MYOM2: variants seen among roughly 807,000 people sequenced by gnomAD.
MYOM2 encodes myomesin 2.
Under a neutral mutation model 187.6 loss-of-function variants are expected in MYOM2, and 254 were observed. The observed-to-expected ratio is 1.35, with a 90% CI of 1.22 to 1.50. The LOEUF (loss-of-function observed/expected upper bound fraction) is 1.50. MYOM2 is among the 40% of genes most tolerant of loss of function. The pLI is 0.00. For synonymous variants in MYOM2, 981 were observed against 753.8 expected, an observed-to-expected ratio of 1.30 and a Z score of -4.94; for missense variants, 2,796 against 1,924.0, an observed-to-expected ratio of 1.45 and a Z score of -8.48.
chr8:2,126,880 G>A (rs796694903), intron 31 of MYOM2, among the ~76,000 whole-genome samples: 49 of 141,110 alleles, frequency 3.5e-4, no homozygotes, highest in African/African-American at 1.2e-3. Flanking sequence ...TGCTGAGGGA[G>A]CATTGAGAGA....
At chr8:2,136,246 G>A (rs114978699) in intron 32 of MYOM2, among the ~76,000 whole-genome samples, 19,793 of 152,158 alleles carry the variant, frequency 0.13, 2,183 homozygotes, top group African/African-American at 0.28. Context: ...GCAGCCCAGG[G>A]AAGGGTAGCG....
chr8:2,063,925 C>G (rs1238410412), intron 6 of MYOM2, among the ~76,000 whole-genome samples: 1 of 152,242 alleles, frequency 6.6e-6, no homozygotes, highest in East Asian at 1.9e-4. Context: ...AAATAAAACC[C>G]TTGCCTCTCC....
chr8:2,092,443 G>C lies in MYOM2; in HGVS notation c.1926G>C (p.Leu642=), dbSNP rs1445995825. ...WDRPKHEEDL[L]GYYVDCCVAG... is the part of the protein sequence containing the mutation. ...GACCTAAGCATGAGGAGGACCTGCT[G>C]GGCTACTACGTGGACTGCTGTGTGG... is the stretch of plus-strand genomic sequence containing the variant. Residue 642 remains leucine (L), a synonymous_variant, in exon 16 of 37, where the codon CTG becomes CTC. Coordinates refer to ENST00000262113, the MANE Select transcript of MYOM2 (RefSeq NM_003970.4). 6.2e-7 allele frequency: 1 copy of C among 1,614,156 alleles called. No homozygotes were observed. The highest frequency in any genetic ancestry group is 1.1e-5 in the South Asian group (1 of 91,088).
chr8:2,093,629 T>A (rs1474751916), intron 16 of MYOM2, among the ~76,000 whole-genome samples: 1 of 152,220 alleles, frequency 6.6e-6, no homozygotes, highest in Non-Finnish European at 1.5e-5. Context: ...GTGTAATTAC[T>A]GCTAATTAAG....
At chr8:2,141,730 T>A (rs1184780017) in intron 34 of MYOM2, among the ~76,000 whole-genome samples, 1 of 152,132 alleles carries the variant, frequency 6.6e-6, no homozygotes, top group African/African-American at 2.4e-5. Flanking sequence ...CATTTGTGGT[T>A]TATGGCCATG....
In MYOM2 at chr8:2,102,708, C is replaced by A; in HGVS notation, c.2661C>A (p.Val887=). Residue 887 remains valine (V), a synonymous_variant, in exon 21 of 37, where the codon GTC becomes GTA. Coordinates refer to ENST00000262113, the MANE Select transcript of MYOM2 (RefSeq NM_003970.4). ...AAGGTAAGACCTATGTCTTCAGGGT[C>A]CGGGCAGTCAATGCAAATGGCGTGG... is the stretch of plus-strand genomic sequence containing the variant. ...LQQGKTYVFR[V]RAVNANGVGK... The A allele has an allele frequency of 6.2e-7, 1 of 1,614,070 alleles. No individual in the cohort carries two copies. The highest frequency in any genetic ancestry group is 8.5e-7 in the Non-Finnish European group (1 of 1,179,904).
At chr8:2,135,739 C>A (rs1034238699) in intron 32 of MYOM2, among the ~76,000 whole-genome samples, 4 of 152,176 alleles carry the variant, frequency 2.6e-5, no homozygotes, top group African/African-American at 9.7e-5. Flanking sequence ...CCATTTATGT[C>A]TCTAAACAAC....
At position 2,145,313 on chromosome 8, in the gene MYOM2, G is replaced by A. The variant is rs542266795; in HGVS notation, c.*332G>A. The A allele has an allele frequency of 6.0e-5, 26 of 433,802 alleles. 1 individual carries two copies. The Admixed American group carries it at 7.9e-4, about 13-fold the overall frequency. The allele number at this position is 433,802 out of a possible 1,614,324, so 26.9% of individuals were successfully genotyped here. On this transcript the variant is annotated 3_prime_UTR_variant, in exon 37 of 37. Coordinates refer to ENST00000262113, the MANE Select transcript of MYOM2 (RefSeq NM_003970.4). ...CACCTGGACGTGTGCAGCATGTGGC[G>A]GTCTGTGTGAAGCCACCGTGCTTCT...
intron 25 of MYOM2, among the ~76,000 whole-genome samples, chr8:2,110,213 C>G (rs560406857): frequency 6.6e-6 from 1 of 152,308 alleles, no homozygotes; most frequent in South Asian, 2.1e-4. Flanking sequence ...GTTCCAGCTA[C>G]TTAGGAGGCT....
At position 2,145,204 on chromosome 8, in the gene MYOM2, G is replaced by A; in HGVS notation, c.*223G>A. 5.0e-6 allele frequency: 3 copies of A among 597,034 alleles called. No homozygotes were observed. Among genetic ancestry groups the A allele is most frequent in the Non-Finnish European group, 5.8e-6 (2 of 345,658 alleles). The allele number at this position is 597,034 out of a possible 1,614,324, so 37.0% of individuals were successfully genotyped here. On this transcript the variant is annotated 3_prime_UTR_variant, in exon 37 of 37. Transcript: ENST00000262113. ...AAGACTGAACAACGTGTATTTACAC[G>A]AGGGTAGACGGCAGATGCCTGACAG...
chr8:2,124,960 C>G (rs1260810391), intron 31 of MYOM2, among the ~76,000 whole-genome samples: 1 of 152,032 alleles, frequency 6.6e-6, no homozygotes, highest in East Asian at 1.9e-4. Flanking sequence ...CTGTGGAGTT[C>G]AGTTCCTTAT....
At chr8:2,119,667 C>T (rs1476638398) in intron 28 of MYOM2, among the ~76,000 whole-genome samples, 3 of 152,128 alleles carry the variant, frequency 2.0e-5, no homozygotes, top group East Asian at 3.9e-4. Context: ...CGAGGGGAGT[C>T]AGGGTGGCTT....
chr8:2,068,609 A>G (rs1398136032), intron 6 of MYOM2, among the ~76,000 whole-genome samples: 1 of 152,206 alleles, frequency 6.6e-6, no homozygotes, highest in African/African-American at 2.4e-5. Context: ...GGCAGAGAGC[A>G]TCCTGGGCGC....
intron 32 of MYOM2, among the ~76,000 whole-genome samples, chr8:2,139,720 T>C (rs1798210105): frequency 6.6e-6 from 1 of 152,186 alleles, no homozygotes; most frequent in African/African-American, 2.4e-5. Context: ...GAGTCCGTCC[T>C]GTTTTCATGC....
At chr8:2,059,965 C>T (rs1271124025) in intron 6 of MYOM2, among the ~76,000 whole-genome samples, 1 of 152,170 alleles carries the variant, frequency 6.6e-6, no homozygotes, top group Non-Finnish European at 1.5e-5. Context: ...TGGTCTCGAA[C>T]TCCCGACCTC....
chr8:2,121,523 T>C (rs571674592), intron 28 of MYOM2, among the ~76,000 whole-genome samples: 227 of 152,322 alleles, frequency 1.5e-3, no homozygotes, highest in African/African-American at 5.2e-3. Flanking sequence ...TTTTGTGCAA[T>C]TTAATACATT....
intron 32 of MYOM2, among the ~76,000 whole-genome samples, chr8:2,129,718 C>T (rs776469680): frequency 2.0e-4 from 31 of 152,168 alleles, no homozygotes; most frequent in Admixed American, 7.9e-4. Flanking sequence ...TTCTCTGGGT[C>T]GGTACGGATC....
intron 14 of MYOM2, among the ~76,000 whole-genome samples, 154 bp downstream of exon 14, chr8:2,085,544 C>CCA (rs1244605219): frequency 1.4e-4 from 7 of 51,548 alleles, no homozygotes; most frequent in Admixed American, 3.9e-4. Context: ...TCTGCGTGGC[C>CCA]CCACTGTCAT....
At chr8:2,051,772 G>C in intron 2 of MYOM2, among the ~76,000 whole-genome samples, 1 of 152,216 alleles carries the variant, frequency 6.6e-6, no homozygotes, top group East Asian at 1.9e-4. Context: ...GGCATGTGCG[G>C]GGTATGGGTG....
Sources: gnomAD v4.1 joint callset for allele counts (sites outside exome capture counted in the v4.1 genomes callset) on GRCh38, gnomAD v4.1.1 for gene constraint, MANE v1.5 for transcripts, NCBI Gene and HGNC (gene_info 2026-07-23, HGNC 2026-07-21) for gene names.